Variants in MYO16 observed in about 807,000 individuals in gnomAD.
MYO16 encodes unconventional myosin-XVI.
Under a neutral mutation model 205.3 loss-of-function variants are expected in MYO16, and 94 were observed. The observed-to-expected ratio is 0.46, with a 90% CI of 0.39 to 0.54. The LOEUF (loss-of-function observed/expected upper bound fraction) is 0.54. Among genes scored for constraint, MYO16 ranks in the 20% least tolerant of loss-of-function variants. The pLI is 0.00. For synonymous variants in MYO16, 988 were observed against 954.0 expected, an observed-to-expected ratio of 1.04 and a Z score of -0.66; for missense variants, 2,315 against 2,387.5, an observed-to-expected ratio of 0.97 and a Z score of 0.63.
At chr13:108,994,506 A>T (rs1884940809) in intron 21 of MYO16, among the ~76,000 whole-genome samples, 1 of 152,204 alleles carries the variant, frequency 6.6e-6, no homozygotes, top group South Asian at 2.1e-4. Context: ...TTTTTTTAAG[A>T]CCATTGGTTT....
At chr13:108,740,917 G>A (rs766696954) in intron 4 of MYO16, among the ~76,000 whole-genome samples, 36 of 152,300 alleles carry the variant, frequency 2.4e-4, no homozygotes, top group Non-Finnish European at 3.5e-4. Flanking sequence ...CTCTGTGGGC[G>A]TGGGACCCTC....
intron 9 of MYO16, among the ~76,000 whole-genome samples, chr13:108,828,583 G>A (rs138515936): frequency 3.3e-5 from 5 of 152,110 alleles, no homozygotes; most frequent in African/African-American, 9.7e-5. Context: ...CCTTTGGATC[G>A]CATCTGAGTT....
Position 108,847,169 on chromosome 13 carries a change from TAA to T in MYO16, c.1248+2677_1248+2678del, listed in dbSNP as rs569039066. Among the ~76,000 whole-genome samples the T allele has an allele frequency of 3.3e-3, 501 of 152,330 alleles. 2 individuals carry two copies. Among genetic ancestry groups the T allele is most frequent in the African/African-American group, 0.011 (449 of 41,588 alleles). ...AAAGACATAAAGTGTTCTTCAAATA[TAA>T]GACATTCACGACATAAAAATATCAA... On this transcript the variant is annotated intron_variant, in intron 10 of 34. Transcript: ENST00000457511.
At chr13:108,714,193 C>G (rs908417658) in intron 3 of MYO16, among the ~76,000 whole-genome samples, 7 of 152,172 alleles carry the variant, frequency 4.6e-5, no homozygotes, top group African/African-American at 1.7e-4. Flanking sequence ...GTAGCTGGGA[C>G]TACAGGCACC....
chr13:108,978,446 A>C (rs976177661), intron 20 of MYO16, among the ~76,000 whole-genome samples: 22 of 152,164 alleles, frequency 1.4e-4, no homozygotes, highest in Admixed American at 9.2e-4. Context: ...ATGGATACAA[A>C]TATTTTCTAA....
At chr13:108,597,199 C>G (rs1196208018) in intron 1 of MYO16, among the ~76,000 whole-genome samples, 1 of 152,132 alleles carries the variant, frequency 6.6e-6, no homozygotes, top group Non-Finnish European at 1.5e-5. Context: ...ATGAGTTAGA[C>G]ATTTTTGTTA....
chr13:108,902,793 G>A (rs1301255122), intron 15 of MYO16, among the ~76,000 whole-genome samples: 1 of 152,178 alleles, frequency 6.6e-6, no homozygotes, highest in African/African-American at 2.4e-5. Context: ...TGACCTTATT[G>A]TAACTTGAGT....
chr13:108,559,768 C>T, the MYO16 span, among the ~76,000 whole-genome samples: 1 of 152,054 alleles, frequency 6.6e-6, no homozygotes, highest in Non-Finnish European at 1.5e-5. Flanking sequence ...CAGCGCCCGG[C>T]CTTGAGGTGC....
intron 9 of MYO16, among the ~76,000 whole-genome samples, chr13:108,830,284 C>T (rs1876531350): frequency 8.6e-6 from 1 of 116,934 alleles, no homozygotes; most frequent in African/African-American, 3.0e-5. Context: ...GACTATAAAT[C>T]ATGCTGCTAT....
intron 7 of MYO16, among the ~76,000 whole-genome samples, chr13:108,810,534 A>G (rs968919843): frequency 1.3e-5 from 2 of 152,356 alleles, no homozygotes; most frequent in South Asian, 2.1e-4. Flanking sequence ...CAAGAAAAAT[A>G]GTATATGACA....
At chr13:108,834,341 T>C (rs1337550669) in intron 9 of MYO16, among the ~76,000 whole-genome samples, 1 of 152,172 alleles carries the variant, frequency 6.6e-6, no homozygotes, top group Admixed American at 6.6e-5. Flanking sequence ...TGTTCTTCCC[T>C]GTTTAGATTT....
At chr13:109,200,271 G>A (rs1342742012) in intron 34 of MYO16, among the ~76,000 whole-genome samples, 1 of 152,126 alleles carries the variant, frequency 6.6e-6, no homozygotes, top group Non-Finnish European at 1.5e-5. Flanking sequence ...AAAATAAGAT[G>A]TTAGCATCTT....
At chr13:108,900,293 A>G (rs754141835) in intron 15 of MYO16, among the ~76,000 whole-genome samples, 33 of 152,168 alleles carry the variant, frequency 2.2e-4, no homozygotes, top group Non-Finnish European at 4.4e-4. Flanking sequence ...CTCTATGAAC[A>G]CTTGGTCCCT....
intron 4 of MYO16, among the ~76,000 whole-genome samples, chr13:108,759,690 AGGCG>A (rs1566590960): frequency 3.3e-5 from 5 of 150,782 alleles, no homozygotes; most frequent in African/African-American, 5.0e-5. Flanking sequence ...GCGTGGGGGC[AGGCG>A]CCTATAGTCC....
At chr13:108,878,762 C>T (rs973391229) in intron 12 of MYO16, among the ~76,000 whole-genome samples, 2 of 152,236 alleles carry the variant, frequency 1.3e-5, no homozygotes, top group Non-Finnish European at 2.9e-5. Context: ...AAGGTGCTGG[C>T]CCAGGCTCCT....
intron 4 of MYO16, among the ~76,000 whole-genome samples, chr13:108,741,413 CTTA>C (rs1566581456): frequency 6.6e-6 from 1 of 152,144 alleles, no homozygotes; most frequent in Non-Finnish European, 1.5e-5. Flanking sequence ...TGGATAGCAC[CTTA>C]GCAGTACACT....
intron 22 of MYO16, among the ~76,000 whole-genome samples, chr13:109,013,108 T>TCCCCCCCCCCCCCCCCCC (rs1177754621): frequency 2.5e-4 from 8 of 32,624 alleles, no homozygotes; most frequent in Admixed American, 1.1e-3. Context: ...ATGCTACCCC[T>TCCCCCCCCCCCCCCCCCC]CCCCCACCCC....
chr13:108,894,259 G>A (rs1458068058), intron 14 of MYO16, among the ~76,000 whole-genome samples: 2 of 152,106 alleles, frequency 1.3e-5, no homozygotes, highest in Non-Finnish European at 2.9e-5. Flanking sequence ...ATTACAATTC[G>A]ACTCGAGATT....
intron 1 of MYO16, among the ~76,000 whole-genome samples, chr13:108,665,658 G>A (rs551586959): frequency 2.6e-5 from 4 of 152,198 alleles, no homozygotes; most frequent in Non-Finnish European, 5.9e-5. Flanking sequence ...AACTACATAT[G>A]CATGTCTAAT....
Sources: gnomAD v4.1 joint callset for allele counts (sites outside exome capture counted in the v4.1 genomes callset) on GRCh38, gnomAD v4.1.1 for gene constraint, MANE v1.5 for transcripts, NCBI Gene and HGNC (gene_info 2026-07-23, HGNC 2026-07-21) for gene names.